The following NALCN variants were observed in gnomAD, a reference collection of about 807,000 sequenced individuals.
The protein encoded by NALCN is sodium leak channel, non-selective.
A neutral mutation model predicts 225.3 loss-of-function variants in NALCN; 111 were observed. The observed-to-expected ratio is 0.49, with a 90% CI of 0.42 to 0.58. NALCN has a LOEUF of 0.58. NALCN is among the 20% of genes least tolerant of loss of function. NALCN has a pLI of 0.00. For synonymous variants in NALCN, 764 were observed against 769.0 expected (o/e 0.99, Z 0.11); for missense variants, 1,378 against 2,202.4 (o/e 0.63, Z 7.49).
Position 101,065,535 on chromosome 13 carries a change from C to A in NALCN, c.4473G>T (p.Lys1491Asn). 2 of 1,614,076 alleles carry A rather than the reference C, an allele frequency of 1.2e-6. No homozygotes were observed. The highest frequency in any genetic ancestry group is 8.5e-7 in the Non-Finnish European group (1 of 1,180,016). ...REGVIPTFRV[K>N]FLLRLLRGRL... ...TCCCACGCAGTAGCCGCAGCAGGAA[C>A]TTGACGCGGAACGTGGGGATCACCC... Residue 1491 changes from lysine to asparagine, a missense_variant, in exon 40 of 44, where the codon AAG (lysine) becomes AAT (asparagine). Physicochemically the swap from Lys to Asn is moderately conservative, Grantham distance 94. This residue lies in a region of NALCN where 94 missense variants were observed against 170.3 expected (regional missense o/e 0.55). Transcript: ENST00000251127.
intron 7 of NALCN, among the ~76,000 whole-genome samples, chr13:101,344,097 CTA>C (rs140988035): frequency 0.02 from 3,077 of 152,238 alleles, 110 homozygotes; most frequent in African/African-American, 0.07. Context: ...GCCTATCAGC[CTA>C]TATACATCTC....
intron 13 of NALCN, among the ~76,000 whole-genome samples, chr13:101,200,499 C>T (rs570088859): frequency 2.6e-5 from 4 of 152,228 alleles, no homozygotes; most frequent in East Asian, 1.9e-4. Context: ...AGATTAAGAG[C>T]GTCGGATAAA....
intron 13 of NALCN, among the ~76,000 whole-genome samples, chr13:101,220,972 T>G (rs2040915169): frequency 6.6e-6 from 1 of 151,892 alleles, no homozygotes. Flanking sequence ...AGAATAAAAA[T>G]GTAAAGAATG....
rs757549395 is a variant in NALCN, at chr13:101,111,154, G to A, written c.2265C>T (p.Ser755=). The stretch of plus-strand genomic sequence containing the variant: ...GCTCTTGGCGGATATGATGCTGCAC[G>A]CTGAGGATTGACCTCTCCTTTGCGG... The part of the protein sequence containing the change: ...GQPAKERSIL[S]VQHHIRQERR... Residue 755 remains serine, a synonymous_variant, in exon 19 of 44, where the codon AGC becomes AGT. Coordinates refer to ENST00000251127, the MANE Select transcript of NALCN (RefSeq NM_052867.4). The A allele has an allele frequency of 6.8e-6, 11 of 1,608,052 alleles. No homozygotes were observed. The South Asian group carries it at 7.7e-5, about 11-fold the overall frequency.
intron 6 of NALCN, among the ~76,000 whole-genome samples, chr13:101,349,350 G>A (rs2045838941): frequency 6.6e-6 from 1 of 152,102 alleles, no homozygotes; most frequent in Non-Finnish European, 1.5e-5. Flanking sequence ...TTTTGTGGTA[G>A]AGAAAATACT....
intron 40 of NALCN, among the ~76,000 whole-genome samples, chr13:101,064,615 G>A (rs932405860): frequency 2.0e-5 from 3 of 151,608 alleles, no homozygotes; most frequent in Non-Finnish European, 4.4e-5. Context: ...GATGAAGGGA[G>A]ACCAAGCTGA....
At chr13:101,131,773 A>ATCC (rs2036532312) in intron 17 of NALCN, among the ~76,000 whole-genome samples, 1 of 152,140 alleles carries the variant, frequency 6.6e-6, no homozygotes, top group Non-Finnish European at 1.5e-5. Flanking sequence ...TTTTATGGTA[A>ATCC]ATATTAACTA....
At chr13:101,277,865 C>A (rs970586940) in intron 10 of NALCN, among the ~76,000 whole-genome samples, 1 of 152,184 alleles carries the variant, frequency 6.6e-6, no homozygotes, top group Non-Finnish European at 1.5e-5. Context: ...AACTGAGGCA[C>A]AATAAAGCCT....
intron 13 of NALCN, among the ~76,000 whole-genome samples, chr13:101,220,790 C>A (rs187982525): frequency 3.3e-5 from 5 of 152,264 alleles, no homozygotes; most frequent in African/African-American, 1.2e-4. Context: ...ATCTAAAAAG[C>A]AGCCTTGCCA....
intron 15 of NALCN, among the ~76,000 whole-genome samples, chr13:101,172,843 A>G (rs1233306522): frequency 6.6e-6 from 1 of 152,202 alleles, no homozygotes; most frequent in Non-Finnish European, 1.5e-5. Context: ...CTGGGATTAC[A>G]GGTGTGAGCC....
intron 7 of NALCN, among the ~76,000 whole-genome samples, chr13:101,334,228 C>T (rs146876503): frequency 3.3e-5 from 5 of 152,048 alleles, no homozygotes; most frequent in South Asian, 2.1e-4. Flanking sequence ...ACATGTAGAA[C>T]GAAGTAACGA....
intron 13 of NALCN, among the ~76,000 whole-genome samples, chr13:101,210,453 T>C (rs1477963974): frequency 3.3e-5 from 5 of 152,190 alleles, no homozygotes; most frequent in African/African-American, 1.2e-4. Flanking sequence ...GTATATGTAA[T>C]AGTTAATGAT....
At chr13:101,293,211 TG>T (rs1232992758) in intron 7 of NALCN, among the ~76,000 whole-genome samples, 1 of 152,212 alleles carries the variant, frequency 6.6e-6, no homozygotes, top group Non-Finnish European at 1.5e-5. Context: ...CCAACTGTGA[TG>T]ATATCTTGCC....
chr13:101,200,546 C>T (rs1291427452), intron 13 of NALCN, among the ~76,000 whole-genome samples: 12 of 151,960 alleles, frequency 7.9e-5, no homozygotes, highest in Non-Finnish European at 1.5e-5. Context: ...GGGGGATAAG[C>T]AAAAGTTTCC....
chr13:101,258,286 T>C (rs2042305452), intron 11 of NALCN, among the ~76,000 whole-genome samples, 157 bp downstream of exon 11: 1 of 152,184 alleles, frequency 6.6e-6, no homozygotes, highest in East Asian at 1.9e-4. Flanking sequence ...CAGGCCACAC[T>C]GTGACCAGAG....
intron 7 of NALCN, among the ~76,000 whole-genome samples, chr13:101,326,516 A>G (rs919298649): frequency 6.6e-6 from 1 of 152,322 alleles, no homozygotes; most frequent in Non-Finnish European, 1.5e-5. Context: ...CAATCTAATT[A>G]GTTTTTGGAA....
rs374526750 is a variant in NALCN, at chr13:101,161,084, T to C, written c.1839+15216A>G. 2.7e-4 allele frequency among the ~76,000 whole-genome samples: 41 copies of C among 152,358 alleles called. 1 individual carries two copies. The highest frequency in any genetic ancestry group is 6.8e-3 in the Middle Eastern group (2 of 294). On this transcript the variant is annotated intron_variant, in intron 15 of 43. Transcript: ENST00000251127. ...TCCAGATTTACACCTTCCAGTATTA[T>C]GAAAACATGGAGAACTTTACTAGGA... is the stretch of plus-strand genomic sequence containing the variant.
chr13:101,153,366 C>T (rs2037746397), intron 15 of NALCN, among the ~76,000 whole-genome samples: 1 of 151,964 alleles, frequency 6.6e-6, no homozygotes, highest in African/African-American at 2.4e-5. Flanking sequence ...TGGGGTGACA[C>T]ATATGTGTGC....
rs1482430859 is a variant in NALCN at position 101,397,090 on chromosome 13, A to G, written c.109-1725T>C. Reference sequence around the variant, plus strand: ...ATTATATATATATATATATATATATATATATATATATATATATATACATAC... The same window carrying G: ...ATTATATATATATATATATATATATGTATATATATATATATATATACATAC... On this transcript the variant is annotated intron_variant, in intron 2 of 43. Transcript: ENST00000251127. Among the ~76,000 whole-genome samples the G allele has an allele frequency of 1.3e-3, 80 of 62,292 alleles. 3 individuals carry two copies. Among genetic ancestry groups the G allele is most frequent in the African/African-American group, 9.5e-3 (74 of 7,764 alleles). 40.9% of individuals were successfully genotyped at this position (62,292 alleles called of 152,430 possible).
Sources: gnomAD v4.1 joint callset for allele counts (sites outside exome capture counted in the v4.1 genomes callset) on GRCh38, gnomAD v4.1.1 for gene constraint, gnomAD v4.1.1 regional missense constraint, MANE v1.5 for transcripts, NCBI Gene and HGNC (gene_info 2026-07-23, HGNC 2026-07-21) for gene names.